DCC: variants seen among roughly 807,000 people sequenced by gnomAD.
DCC encodes netrin receptor DCC.
A neutral mutation model predicts 172.5 loss-of-function variants in DCC; 58 were observed. The observed-to-expected ratio is 0.34, with a 90% CI of 0.27 to 0.42. DCC has a LOEUF of 0.42. Ranked by LOEUF, DCC falls within the 10% of genes least tolerant of loss-of-function variation. The pLI is 1.00. For missense variants in DCC, 1,740 were observed against 1,791.0 expected, an observed-to-expected ratio of 0.97 and a Z score of 0.51; for synonymous variants, 709 against 644.5, an observed-to-expected ratio of 1.10 and a Z score of -1.52.
chr18:53,160,374 G>C (rs958492005), intron 8 of DCC, among the ~76,000 whole-genome samples: 1 of 152,128 alleles, frequency 6.6e-6, no homozygotes, highest in Non-Finnish European at 1.5e-5. Context: ...GCAATCTGTT[G>C]ATCCTATCCC....
At chr18:52,539,635 A>G (rs1290351500) in intron 1 of DCC, among the ~76,000 whole-genome samples, 3 of 152,162 alleles carry the variant, frequency 2.0e-5, no homozygotes, top group Non-Finnish European at 4.4e-5. Context: ...GGCCCATCCC[A>G]TGGAAAAAAT....
intron 11 of DCC, among the ~76,000 whole-genome samples, chr18:53,208,740 C>CT (rs1223034601): frequency 6.6e-6 from 1 of 151,846 alleles, no homozygotes; most frequent in Non-Finnish European, 1.5e-5. Context: ...TTTTCTTTTC[C>CT]TTTTTTGGAA....
chr18:53,070,442 C>A (rs2042637307), intron 7 of DCC, among the ~76,000 whole-genome samples: 1 of 152,182 alleles, frequency 6.6e-6, no homozygotes, highest in Non-Finnish European at 1.5e-5. Context: ...CTTCTAATTT[C>A]CAATAGTTGA....
chr18:52,581,686 A>T (rs1568239611), intron 1 of DCC, among the ~76,000 whole-genome samples: 1 of 151,440 alleles, frequency 6.6e-6, no homozygotes, highest in Non-Finnish European at 1.5e-5. Context: ...TCACCCCTTC[A>T]TTTTTTTTAG....
chr18:52,423,344 TG>T (rs1377463377), intron 1 of DCC, among the ~76,000 whole-genome samples: 4 of 152,004 alleles, frequency 2.6e-5, no homozygotes, highest in Non-Finnish European at 5.9e-5. Flanking sequence ...GTCAGAGTGG[TG>T]GGGTTGAAGC....
intron 21 of DCC, among the ~76,000 whole-genome samples, chr18:53,429,823 C>T (rs1329850658): frequency 1.3e-5 from 2 of 152,058 alleles, no homozygotes; most frequent in Non-Finnish European, 2.9e-5. Context: ...AATCAGTGAA[C>T]TTTCTTTCAT....
chr18:52,808,944 G>A (rs898861708), intron 2 of DCC, among the ~76,000 whole-genome samples: 1 of 152,138 alleles, frequency 6.6e-6, no homozygotes, highest in Non-Finnish European at 1.5e-5. Context: ...TTGGCATGGG[G>A]ATCTTGACTA....
intron 7 of DCC, among the ~76,000 whole-genome samples, chr18:53,107,566 G>A (rs2043269482): frequency 6.8e-6 from 1 of 147,048 alleles, no homozygotes; most frequent in Non-Finnish European, 1.5e-5. Context: ...AGGAAGACGT[G>A]GTTCCTAACC....
intron 12 of DCC, among the ~76,000 whole-genome samples, chr18:53,277,888 C>A (rs1255282523): frequency 2.0e-5 from 3 of 152,098 alleles, no homozygotes; most frequent in Admixed American, 6.6e-5. Context: ...CATTTCCATG[C>A]AAGATTCCAG....
intron 5 of DCC, among the ~76,000 whole-genome samples, chr18:53,031,525 G>A (rs1266537717): frequency 6.6e-6 from 1 of 152,010 alleles, no homozygotes; most frequent in African/African-American, 2.4e-5. Flanking sequence ...AGACAGAAAT[G>A]ACTTTGCTGT....
chr18:53,131,724 T>C (rs2043654649), intron 7 of DCC, among the ~76,000 whole-genome samples: 3 of 151,994 alleles, frequency 2.0e-5, no homozygotes, highest in Admixed American at 2.0e-4. Flanking sequence ...AATAAAGAGA[T>C]GACATAAGGG....
At chr18:52,944,413 T>C (rs1449364273) in intron 5 of DCC, among the ~76,000 whole-genome samples, 1 of 152,172 alleles carries the variant, frequency 6.6e-6, no homozygotes, top group Admixed American at 6.5e-5. Flanking sequence ...CATCCAAAAC[T>C]AGCTGTGCAA....
chr18:53,225,141 G>A (rs1234120406), intron 12 of DCC, among the ~76,000 whole-genome samples: 8 of 152,144 alleles, frequency 5.3e-5, no homozygotes, highest in Admixed American at 5.2e-4. Flanking sequence ...GAGAGATACA[G>A]TAAATCATGT....
chr18:52,381,551 T>C (rs766661954), intron 1 of DCC, among the ~76,000 whole-genome samples: 1 of 152,080 alleles, frequency 6.6e-6, no homozygotes, highest in Admixed American at 6.6e-5. Flanking sequence ...GCCTATGTTA[T>C]GTACTCAATA....
intron 27 of DCC, among the ~76,000 whole-genome samples, chr18:53,509,019 C>G (rs981365344): frequency 2.0e-5 from 3 of 152,208 alleles, no homozygotes; most frequent in Admixed American, 6.5e-5. Flanking sequence ...CTTCTTCTCT[C>G]TCATAAATAC....
At chr18:52,551,717 T>C in intron 1 of DCC, among the ~76,000 whole-genome samples, 2 of 145,922 alleles carry the variant, frequency 1.4e-5, no homozygotes, top group African/African-American at 5.2e-5. Flanking sequence ...TATCACCCCT[T>C]ACTCTCCTCT....
At chr18:53,150,839 T>C (rs2043986556) in intron 7 of DCC, among the ~76,000 whole-genome samples, 1 of 152,188 alleles carries the variant, frequency 6.6e-6, no homozygotes, top group Non-Finnish European at 1.5e-5. Flanking sequence ...GAAAGTAAAG[T>C]CTCTGCACAC....
intron 8 of DCC, among the ~76,000 whole-genome samples, chr18:53,159,263 T>G (rs2054797208): frequency 6.6e-6 from 1 of 152,132 alleles, no homozygotes; most frequent in Non-Finnish European, 1.5e-5. Flanking sequence ...TTCTCCTCCT[T>G]ATGTATATTT....
intron 2 of DCC, among the ~76,000 whole-genome samples, chr18:52,831,209 AT>A (rs544446668): frequency 6.6e-6 from 1 of 152,306 alleles, no homozygotes; most frequent in African/African-American, 2.4e-5. Context: ...GCATAGCAAG[AT>A]GATCAGTATG....
Sources: gnomAD v4.1 joint callset for allele counts (sites outside exome capture counted in the v4.1 genomes callset) on GRCh38, gnomAD v4.1.1 for gene constraint, MANE v1.5 for transcripts, NCBI Gene and HGNC (gene_info 2026-07-23, HGNC 2026-07-21) for gene names.